The following DDX10 variants were observed in gnomAD, a reference collection of about 807,000 sequenced individuals.
DDX10 encodes DEAD-box helicase 10.
DDX10 carries 74 observed loss-of-function variants against 104.3 expected under a neutral mutation model. The observed-to-expected ratio is 0.71, with a 90% confidence interval of 0.59 to 0.86. The LOEUF (loss-of-function observed/expected upper bound fraction) is 0.86. Among genes scored for constraint, DDX10 ranks in the 40% least tolerant of loss-of-function variants. The probability of loss-of-function intolerance (pLI) is 0.00; values close to 1 mark genes in which losing one functional copy is unlikely to be tolerated. For missense variants in DDX10, 952 were observed against 1,040.0 expected (o/e 0.92, Z 1.16); for synonymous variants, 351 against 353.4 (o/e 0.99, Z 0.08).
chr11:108,820,069 GA>G (rs2134576618), intron 13 of DDX10, among the ~76,000 whole-genome samples: 1 of 152,328 alleles, frequency 6.6e-6, no homozygotes, highest in Admixed American at 6.5e-5. Flanking sequence ...TGATAAACCT[GA>G]GTTTAGAGCA....
chr11:108,868,949 C>G (rs1367643886), intron 16 of DDX10, among the ~76,000 whole-genome samples: 1 of 141,218 alleles, frequency 7.1e-6, no homozygotes, highest in East Asian at 2.1e-4. Context: ...ATCCCCTAGC[C>G]ACAATTAAGA....
At chr11:108,810,434 C>G (rs1180628055) in intron 13 of DDX10, among the ~76,000 whole-genome samples, 1 of 152,028 alleles carries the variant, frequency 6.6e-6, no homozygotes, top group Non-Finnish European at 1.5e-5. Flanking sequence ...ATAGGAGATG[C>G]TGCACCCAAT....
In DDX10 at chr11:108,693,606, T is replaced by G. The variant is rs2094255760; in HGVS notation, c.1223+6T>G. The G allele has an allele frequency of 6.3e-7, 1 of 1,599,444 alleles. No individual in the cohort carries two copies. The highest frequency in any genetic ancestry group is 8.6e-7 in the Non-Finnish European group (1 of 1,166,814). On this transcript the variant is annotated splice_donor_region_variant and intron_variant, in intron 9 of 17. Coordinates refer to ENST00000322536, the MANE Select transcript of DDX10 (RefSeq NM_004398.4). ...AGAGCAGGTAGAACTGCCAGGTAGG[T>G]GTACTGACTAATTTCTTTTCTTTTG...
At chr11:108,697,230 T>TGC (rs1267480064) in intron 9 of DDX10, among the ~76,000 whole-genome samples, 7 of 151,584 alleles carry the variant, frequency 4.6e-5, no homozygotes, top group Non-Finnish European at 1.0e-4. Context: ...AATGCTTTTT[T>TGC]TTTTTTTTTT....
At chr11:108,891,089 G>C (rs565390345) in intron 16 of DDX10, among the ~76,000 whole-genome samples, 1 of 152,242 alleles carries the variant, frequency 6.6e-6, no homozygotes, top group Non-Finnish European at 1.5e-5. Flanking sequence ...TGAAGCCCTT[G>C]TGGAACTCCT....
Position 108,822,409 on chromosome 11 carries a change from AT to A in DDX10, c.1966-16032del, listed in dbSNP as rs1413441894. 7 of 399,624 alleles carry A rather than the reference AT, an allele frequency of 1.8e-5. No homozygotes were observed. The East Asian group carries it at 2.3e-4, about 13-fold the overall frequency. 24.8% of individuals were successfully genotyped at this position (399,624 alleles called of 1,614,324 possible). A position where few individuals can be genotyped will look rare whatever the true frequency, so the allele number is the denominator to read the frequency against. ...CTTCTTCTTAATGCTGGCAAAGATC[AT>A]TTTTGTTCCAGGGATGTTCTTCTTG... On this transcript the variant is annotated intron_variant, in intron 13 of 17. Coordinates refer to ENST00000322536, the MANE Select transcript of DDX10 (RefSeq NM_004398.4).
intron 16 of DDX10, among the ~76,000 whole-genome samples, chr11:108,897,618 C>T (rs1055960827): frequency 1.3e-5 from 2 of 151,830 alleles, no homozygotes; most frequent in East Asian, 1.9e-4. Flanking sequence ...TTGCAAATCC[C>T]GCAGGGGACC....
chr11:108,877,079 T>A (rs1196075455), intron 16 of DDX10, among the ~76,000 whole-genome samples: 1 of 152,118 alleles, frequency 6.6e-6, no homozygotes, highest in Non-Finnish European at 1.5e-5. Context: ...TCATAAACAA[T>A]CAAAAATATT....
intron 17 of DDX10, among the ~76,000 whole-genome samples, chr11:108,925,497 G>T (rs1390740656): frequency 6.6e-6 from 1 of 152,160 alleles, no homozygotes; most frequent in African/African-American, 2.4e-5. Context: ...TAACTCTGGT[G>T]CACTGCAACT....
chr11:108,814,319 A>G (rs1024167211), intron 13 of DDX10, among the ~76,000 whole-genome samples: 1 of 152,108 alleles, frequency 6.6e-6, no homozygotes, highest in Non-Finnish European at 1.5e-5. Flanking sequence ...CTCAGTCTCT[A>G]TTTGTAACCA....
chr11:108,831,123 G>A (rs67069086), intron 13 of DDX10, among the ~76,000 whole-genome samples: 7,147 of 151,892 alleles, frequency 0.047, 229 homozygotes, highest in Middle Eastern at 0.11. Flanking sequence ...TACTCTTATC[G>A]GGCTGGGCAT....
At chr11:108,792,514 CTG>C (rs1285921283) in intron 13 of DDX10, among the ~76,000 whole-genome samples, 1 of 152,164 alleles carries the variant, frequency 6.6e-6, no homozygotes, top group Non-Finnish European at 1.5e-5. Context: ...ATTGAAAAGA[CTG>C]TCTTTTCCTC....
At chr11:108,795,244 A>AT (rs201256054) in intron 13 of DDX10, among the ~76,000 whole-genome samples, 1,453 of 124,820 alleles carry the variant, frequency 0.012, 19 homozygotes, top group African/African-American at 0.041. Flanking sequence ...GTGTAGCAGC[A>AT]TTTTTTTTTC....
intron 13 of DDX10, among the ~76,000 whole-genome samples, chr11:108,817,312 A>G (rs1862268975): frequency 6.6e-6 from 1 of 152,006 alleles, no homozygotes; most frequent in Admixed American, 6.6e-5. Context: ...ACTCTAGTCC[A>G]GTCATCCTGA....
At chr11:108,723,552 T>C in intron 13 of DDX10, 90 bp downstream of exon 13, 1 of 1,319,558 alleles carries the variant, frequency 7.6e-7, no homozygotes, top group South Asian at 1.6e-5. Context: ...AAGTGAAAAC[T>C]AAGAAACTTA....
intron 16 of DDX10, among the ~76,000 whole-genome samples, chr11:108,897,198 C>A (rs562163642): frequency 6.6e-6 from 1 of 152,096 alleles, no homozygotes; most frequent in Non-Finnish European, 1.5e-5. Context: ...CCAGGACCAC[C>A]CCCAAAGACA....
At position 108,940,380 on chromosome 11, in the gene DDX10, A is replaced by C; in HGVS notation, c.2585A>C (p.Glu862Ala). ...EPLDTGLSLA[E>A]DEELVLHLLR... is the part of the protein sequence containing the mutation. ...TTGGATACCGGCCTGTCTTTAGCAG[A>C]GGATGAAGAGCTGGTGTTACATCTG... is the stretch of plus-strand genomic sequence containing the variant. The change falls in exon 18 of 18, where the codon GAG (glutamate) becomes GCG (alanine). Residue 862 changes from glutamate (E) to alanine (A), a missense_variant. By Grantham distance (107) the Glu-to-Ala change is moderately radical (BLOSUM62 -1). Around this residue, in one of 3 missense-constraint regions of DDX10, gnomAD observed 533 missense variants for 534.1 expected, o/e 1.00. Coordinates refer to ENST00000322536, the MANE Select transcript of DDX10 (RefSeq NM_004398.4). 6.2e-7 allele frequency: 1 copy of C among 1,614,002 alleles called. No individual in the cohort carries two copies. Among genetic ancestry groups the C allele is most frequent in the African/African-American group, 1.3e-5 (1 of 75,024 alleles).
intron 13 of DDX10, among the ~76,000 whole-genome samples, chr11:108,779,507 T>C (rs950564219): frequency 2.8e-5 from 4 of 141,286 alleles, no homozygotes; most frequent in Non-Finnish European, 6.1e-5. Flanking sequence ...GGACACAGGG[T>C]GGGGAACATC....
chr11:108,918,097 A>G, intron 17 of DDX10, 79 bp downstream of exon 17: 2 of 1,402,892 alleles, frequency 1.4e-6, no homozygotes, highest in South Asian at 1.2e-5. Flanking sequence ...AGACATTACT[A>G]AGAGTTCTAC....
Sources: allele counts gnomAD v4.1 joint callset (sites outside exome capture counted in the v4.1 genomes callset), GRCh38; gene constraint gnomAD v4.1.1; regional missense constraint gnomAD v4.1.1; transcripts MANE v1.5; gene names NCBI Gene and HGNC (gene_info 2026-07-23, HGNC 2026-07-21).